NDUFAF2: variants seen among roughly 807,000 people sequenced by gnomAD.
NDUFAF2 encodes NADH dehydrogenase [ubiquinone] 1 alpha subcomplex assembly factor 2.
A neutral mutation model predicts 22.8 loss-of-function variants in NDUFAF2; 13 were observed. The observed-to-expected ratio is 0.57, with a 90% CI of 0.37 to 0.91. NDUFAF2 has a LOEUF of 0.91. Ranked by LOEUF, NDUFAF2 falls within the 40% of genes least tolerant of loss-of-function variation. The pLI, the probability that NDUFAF2 is intolerant of heterozygous loss-of-function variation, is 0.01. For synonymous variants in NDUFAF2, 53 were observed against 64.2 expected, an observed-to-expected ratio of 0.83 and a Z score of 0.84; for missense variants, 162 against 195.2, an observed-to-expected ratio of 0.83 and a Z score of 1.01.
chr5:61,020,950 TC>T (rs1022824328), intron 1 of NDUFAF2, among the ~76,000 whole-genome samples: 46 of 150,568 alleles, frequency 3.1e-4, no homozygotes, highest in Admixed American at 4.0e-4. Context: ...TGCCTCGGCC[TC>T]CCAGACTGCT....
chr5:61,127,968 T>C (rs904102410), intron 3 of NDUFAF2, among the ~76,000 whole-genome samples: 2 of 152,190 alleles, frequency 1.3e-5, no homozygotes, highest in African/African-American at 2.4e-5. Context: ...ATAAAATCAA[T>C]GTGCGAAAAT....
chr5:61,118,746 C>G (rs569680821), intron 3 of NDUFAF2, among the ~76,000 whole-genome samples: 1 of 152,200 alleles, frequency 6.6e-6, no homozygotes, highest in Non-Finnish European at 1.5e-5. Context: ...TTTCAAAAGT[C>G]TTTGAAGATA....
At chr5:61,114,846 G>A (rs561666202) in intron 3 of NDUFAF2, 1 of 152,158 alleles carries the variant, frequency 6.6e-6, no homozygotes, top group East Asian at 1.9e-4. Context: ...AGAATTCTCT[G>A]GATTACCAGG....
chr5:61,026,362 C>A (rs958082997), intron 1 of NDUFAF2, among the ~76,000 whole-genome samples: 3 of 152,016 alleles, frequency 2.0e-5, no homozygotes, highest in African/African-American at 7.2e-5. Context: ...AAAATATAGA[C>A]AGCCAGAGGG....
intron 1 of NDUFAF2, among the ~76,000 whole-genome samples, chr5:61,069,335 G>C (rs1434240815): frequency 6.6e-6 from 1 of 152,162 alleles, no homozygotes; most frequent in Non-Finnish European, 1.5e-5. Context: ...CACCATATGT[G>C]TGGCTGGGCC....
At chr5:61,026,275 G>A (rs912760872) in intron 1 of NDUFAF2, among the ~76,000 whole-genome samples, 3 of 152,082 alleles carry the variant, frequency 2.0e-5, no homozygotes, top group South Asian at 2.1e-4. Flanking sequence ...GACAAAAATC[G>A]TGAGGCTAGC....
chr5:61,057,267 C>G (rs1752111754), intron 1 of NDUFAF2, among the ~76,000 whole-genome samples: 2 of 152,114 alleles, frequency 1.3e-5, no homozygotes, highest in Non-Finnish European at 2.9e-5. Flanking sequence ...AAATCAAGTT[C>G]TAGCTTTAAA....
At chr5:60,988,179 A>G (rs189216893) in intron 1 of NDUFAF2, among the ~76,000 whole-genome samples, 35 of 152,328 alleles carry the variant, frequency 2.3e-4, no homozygotes, top group Middle Eastern at 3.4e-3. Flanking sequence ...CCCATTCACA[A>G]TTGCCAGAAA....
intron 1 of NDUFAF2, among the ~76,000 whole-genome samples, chr5:61,049,453 C>T (rs921260348): frequency 6.6e-6 from 1 of 152,030 alleles, no homozygotes; most frequent in Admixed American, 6.6e-5. Flanking sequence ...TGGTAAAATA[C>T]ACATAACATA....
At chr5:60,972,323 T>G (rs1430212791) in intron 1 of NDUFAF2, among the ~76,000 whole-genome samples, 1 of 151,862 alleles carries the variant, frequency 6.6e-6, no homozygotes, top group Non-Finnish European at 1.5e-5. Context: ...AGTTGTAATC[T>G]CTAAATCCCC....
chr5:60,948,988 G>A (rs956950569), intron 1 of NDUFAF2, among the ~76,000 whole-genome samples: 2 of 151,852 alleles, frequency 1.3e-5, no homozygotes, highest in Admixed American at 6.6e-5. Flanking sequence ...TCTTCTAGTA[G>A]GTGTGTTGTG....
intron 1 of NDUFAF2, among the ~76,000 whole-genome samples, chr5:61,024,066 T>C (rs1751620041): frequency 6.6e-6 from 1 of 152,192 alleles, no homozygotes; most frequent in African/African-American, 2.4e-5. Flanking sequence ...ATTTTGAAAG[T>C]ATTTTATCCA....
intron 1 of NDUFAF2, among the ~76,000 whole-genome samples, chr5:61,014,808 T>C (rs907223473): frequency 6.6e-6 from 1 of 152,224 alleles, no homozygotes; most frequent in Admixed American, 6.5e-5. Flanking sequence ...TGTTTTGGCA[T>C]AATTGTTACC....
At chr5:61,101,915 A>G (rs1219894546) in intron 3 of NDUFAF2, among the ~76,000 whole-genome samples, 2 of 152,148 alleles carry the variant, frequency 1.3e-5, no homozygotes, top group Non-Finnish European at 1.5e-5. Context: ...ACTGATCCAC[A>G]GTAGTTCTTA....
chr5:61,113,761 A>G (rs956153472), intron 3 of NDUFAF2, among the ~76,000 whole-genome samples: 1 of 152,018 alleles, frequency 6.6e-6, no homozygotes, highest in Non-Finnish European at 1.5e-5. Flanking sequence ...GAAATTACCC[A>G]TTCTCAGGCA....
intron 1 of NDUFAF2, among the ~76,000 whole-genome samples, chr5:61,034,912 A>ATGTGTGTGTGTGTGTG (rs1554080641): frequency 6.9e-5 from 10 of 144,888 alleles, no homozygotes; most frequent in Non-Finnish European, 1.5e-4. Flanking sequence ...GCAAATATAT[A>ATGTGTGTGTGTGTGTG]TGTGTGTGTG....
chr5:61,098,753 A>G (rs1027436619), intron 2 of NDUFAF2, among the ~76,000 whole-genome samples: 1 of 152,106 alleles, frequency 6.6e-6, no homozygotes, highest in Non-Finnish European at 1.5e-5. Context: ...TCTCTACACT[A>G]TTATATTCTC....
intron 1 of NDUFAF2, among the ~76,000 whole-genome samples, chr5:60,988,089 G>A (rs750714052): frequency 6.6e-6 from 1 of 152,060 alleles, no homozygotes; most frequent in Non-Finnish European, 1.5e-5. Flanking sequence ...CAAAGTTTCA[G>A]GATACAAAAT....
rs905514851 is a variant in NDUFAF2 at position 61,135,869 on chromosome 5, A to G, written c.259-16835A>G. Among the ~76,000 whole-genome samples, 32 of 151,304 alleles carry G rather than the reference A, an allele frequency of 2.1e-4. 2 individuals carry two copies. In the East Asian group the frequency reaches 2.3e-3, roughly 11 times the overall value. The stretch of plus-strand genomic sequence containing the variant: ...GTATTTTTAGCTGCTGGCCTTCTCA[A>G]ACTAAGTGGATATAGGAGCTTGAGG... On this transcript the variant is annotated intron_variant, in intron 3 of 3. Transcript: ENST00000296597.
Sources: gnomAD v4.1 joint callset for allele counts (sites outside exome capture counted in the v4.1 genomes callset) on GRCh38, gnomAD v4.1.1 for gene constraint, MANE v1.5 for transcripts, NCBI Gene and HGNC (gene_info 2026-07-23, HGNC 2026-07-21) for gene names.